DNAH7: variants seen among roughly 807,000 people sequenced by gnomAD.
DNAH7 encodes axonemal beta dynein heavy chain 7.
Under a neutral mutation model 444.6 loss-of-function variants are expected in DNAH7, and 397 were observed. The ratio of observed to expected loss-of-function variants is 0.89; its 90% CI spans 0.82 to 0.97. The LOEUF (loss-of-function observed/expected upper bound fraction) is 0.97. Ranked by LOEUF, DNAH7 falls within the 50% of genes least tolerant of loss-of-function variation. DNAH7 has a pLI of 0.00. For missense variants in DNAH7, 4,902 were observed against 4,800.8 expected, an observed-to-expected ratio of 1.02 and a Z score of -0.62; for synonymous variants, 1,636 against 1,624.4, an observed-to-expected ratio of 1.01 and a Z score of -0.17.
At chr2:195,890,458 T>C (rs1701952043) in intron 31 of DNAH7, among the ~76,000 whole-genome samples, 1 of 152,202 alleles carries the variant, frequency 6.6e-6, no homozygotes, top group Non-Finnish European at 1.5e-5. Flanking sequence ...TTGTGGGACA[T>C]AGCTTCCTGA....
At chr2:195,949,793 T>C (rs1176519312) in intron 19 of DNAH7, among the ~76,000 whole-genome samples, 1 of 152,194 alleles carries the variant, frequency 6.6e-6, no homozygotes, top group African/African-American at 2.4e-5. Flanking sequence ...CCTAGTTTAT[T>C]GAGAGTTTTT....
At chr2:196,030,461 C>A (rs936191711) in intron 5 of DNAH7, among the ~76,000 whole-genome samples, 1 of 152,138 alleles carries the variant, frequency 6.6e-6, no homozygotes, top group African/African-American at 2.4e-5. Flanking sequence ...ATTTCAAAAC[C>A]AATCATACCT....
chr2:195,846,524 A>T (rs1453581678), intron 46 of DNAH7, among the ~76,000 whole-genome samples: 3 of 152,194 alleles, frequency 2.0e-5, no homozygotes, highest in Non-Finnish European at 2.9e-5. Context: ...AAGAAATATA[A>T]ATTGTCCTAC....
chr2:195,906,613 G>C, intron 27 of DNAH7, 46 bp downstream of exon 27: 1 of 1,573,630 alleles, frequency 6.4e-7, no homozygotes, highest in East Asian at 2.3e-5. Context: ...TATTAACTTT[G>C]TAAATTATAG....
intron 60 of DNAH7, among the ~76,000 whole-genome samples, 177 bp downstream of exon 60, chr2:195,775,669 G>A (rs530642776): frequency 3.4e-5 from 5 of 149,156 alleles, no homozygotes; most frequent in South Asian, 4.2e-4. Flanking sequence ...AAAAACACAC[G>A]TTCAGGTACT....
At chr2:195,875,895 GTC>G in intron 37 of DNAH7, 52 bp from the exon 38 acceptor site, 1 of 1,501,478 alleles carries the variant, frequency 6.7e-7, no homozygotes, top group Non-Finnish European at 8.9e-7. Context: ...TCAACATACA[GTC>G]CTATTGTGTA....
intron 5 of DNAH7, among the ~76,000 whole-genome samples, chr2:196,036,346 A>G (rs1286904818): frequency 6.6e-6 from 1 of 152,038 alleles, no homozygotes; most frequent in East Asian, 1.9e-4. Flanking sequence ...CACATTCTTA[A>G]GGCCCCACTG....
intron 8 of DNAH7, among the ~76,000 whole-genome samples, chr2:196,023,788 C>T (rs974806426): frequency 1.3e-5 from 2 of 152,180 alleles, no homozygotes; most frequent in African/African-American, 4.8e-5. Context: ...AACATGTCTT[C>T]CTCACTAAGC....
At chr2:195,765,257 C>T (rs1254222552) in intron 61 of DNAH7, among the ~76,000 whole-genome samples, 1 of 152,066 alleles carries the variant, frequency 6.6e-6, no homozygotes, top group East Asian at 1.9e-4. Flanking sequence ...AATCTAAGAC[C>T]TCAAACTATG....
intron 51 of DNAH7, among the ~76,000 whole-genome samples, chr2:195,813,755 T>TC (rs2124876641): frequency 6.6e-6 from 1 of 152,358 alleles, no homozygotes; most frequent in East Asian, 1.9e-4. Flanking sequence ...TAATGTTTAT[T>TC]CAACAATAAA....
intron 24 of DNAH7, among the ~76,000 whole-genome samples, chr2:195,919,584 A>G (rs1373452689): frequency 6.6e-6 from 1 of 152,172 alleles, no homozygotes; most frequent in Non-Finnish European, 1.5e-5. Context: ...GGCTCAAATG[A>G]TCCATCCACC....
At chr2:195,935,661 G>C (rs896302304) in intron 20 of DNAH7, among the ~76,000 whole-genome samples, 1 of 152,122 alleles carries the variant, frequency 6.6e-6, no homozygotes, top group Non-Finnish European at 1.5e-5. Context: ...CAACTATGCA[G>C]AAGGAAAATG....
At chr2:196,062,547 C>T (rs1157665589) in intron 1 of DNAH7, among the ~76,000 whole-genome samples, 1 of 152,162 alleles carries the variant, frequency 6.6e-6, no homozygotes, top group African/African-American at 2.4e-5. Context: ...CAGAGTTTCT[C>T]ACACATCATC....
rs2125914367 is a variant in DNAH7, at chr2:196,068,740, T to C, written c.-29A>G. 1 of 1,550,118 alleles carries C rather than the reference T, an allele frequency of 6.5e-7. No individual in the cohort carries two copies. The highest frequency in any genetic ancestry group is 8.7e-7 in the Non-Finnish European group (1 of 1,146,930). ...TGCGAGGACGCGCTGGCCTCACCGGTGCTTCTGGGTTGCTCCTGCCCGCGG... is the reference window on the plus strand; with the variant it reads ...TGCGAGGACGCGCTGGCCTCACCGGCGCTTCTGGGTTGCTCCTGCCCGCGG... On this transcript the variant is annotated 5_prime_UTR_variant, in exon 1 of 65. Coordinates refer to ENST00000312428, the MANE Select transcript of DNAH7 (RefSeq NM_018897.3).
At chr2:195,931,802 G>A (rs1469937211) in intron 21 of DNAH7, among the ~76,000 whole-genome samples, 7 of 152,098 alleles carry the variant, frequency 4.6e-5, no homozygotes, top group African/African-American at 1.2e-4. Flanking sequence ...TGGTAACAGT[G>A]CCATGCTGTT....
intron 61 of DNAH7, among the ~76,000 whole-genome samples, chr2:195,767,504 C>CT (rs979839415): frequency 2.0e-3 from 302 of 151,548 alleles, no homozygotes; most frequent in African/African-American, 6.8e-3. Flanking sequence ...TTTCCTCCTC[C>CT]TTTTTTTTGT....
In DNAH7 at chr2:195,960,666, A is replaced by T; in HGVS notation, c.2485T>A (p.Ser829Thr). Reference sequence around the variant, plus strand: ...TGCTGCTTGAAATCTTCCACCTTTGATCTTACTTTTTTTGTCATTGCCAAT... The same window carrying T: ...TGCTGCTTGAAATCTTCCACCTTTGTTCTTACTTTTTTTGTCATTGCCAAT... ...YALAMTKKVR[S>T]KVEDFKQHIP... Residue 829 changes from serine (S) to threonine (T), a missense_variant, in exon 18 of 65, where the codon TCA becomes ACA. Transcript: ENST00000312428. 1 of 1,614,182 alleles carries T rather than the reference A, an allele frequency of 6.2e-7. No homozygotes were observed. The highest frequency in any genetic ancestry group is 1.1e-5 in the South Asian group (1 of 91,086).
chr2:195,750,519 A>T (rs114293182), intron 63 of DNAH7, among the ~76,000 whole-genome samples: 2,760 of 152,228 alleles, frequency 0.018, 79 homozygotes, highest in African/African-American at 0.063. Flanking sequence ...ATTAACCATA[A>T]CTCCTTTAAG....
intron 41 of DNAH7, 43 bp from the exon 42 acceptor site, chr2:195,861,989 A>G (rs756778296): frequency 6.8e-7 from 1 of 1,469,150 alleles, no homozygotes; most frequent in Non-Finnish European, 9.5e-7. Context: ...TAAGATTACG[A>G]ATCTGGATCT....
Sources: gnomAD v4.1 joint callset for allele counts (sites outside exome capture counted in the v4.1 genomes callset) on GRCh38, gnomAD v4.1.1 for gene constraint, MANE v1.5 for transcripts, NCBI Gene and HGNC (gene_info 2026-07-23, HGNC 2026-07-21) for gene names.